Variants in NFIB observed in about 807,000 individuals in gnomAD.
NFIB encodes the protein nuclear factor I B, also known as nuclear factor 1 B-type.
NFIB carries 11 observed loss-of-function variants against 61.5 expected under a neutral mutation model. The ratio of observed to expected loss-of-function variants is 0.18; its 90% confidence interval spans 0.11 to 0.30. NFIB has a LOEUF of 0.30. Among genes scored for constraint, NFIB ranks in the 10% least tolerant of loss-of-function variants. The pLI is 1.00. For missense variants in NFIB, 471 were observed against 608.9 expected (o/e 0.77, Z 2.38); for synonymous variants, 260 against 216.5 (o/e 1.20, Z -1.76).
At chr9:14,406,419 G>C in the NFIB span, among the ~76,000 whole-genome samples, 1 of 152,210 alleles carries the variant, frequency 6.6e-6, no homozygotes, top group Admixed American at 6.5e-5. Context: ...CTGGGCCATG[G>C]TGAGCCATGA....
chr9:14,217,404 T>C (rs2051047948), intron 2 of NFIB, among the ~76,000 whole-genome samples: 1 of 152,142 alleles, frequency 6.6e-6, no homozygotes, highest in African/African-American at 2.4e-5. Flanking sequence ...CTCACGTCTG[T>C]AATCCCAGCA....
At chr9:14,286,014 T>G (rs999213412) in intron 2 of NFIB, among the ~76,000 whole-genome samples, 2 of 151,738 alleles carry the variant, frequency 1.3e-5, no homozygotes, top group African/African-American at 4.9e-5. Flanking sequence ...CCAGGGCTCC[T>G]TCTAGCAAGT....
intron 2 of NFIB, among the ~76,000 whole-genome samples, chr9:14,257,894 A>ATT (rs150629739): frequency 3.3e-5 from 5 of 151,718 alleles, no homozygotes; most frequent in African/African-American, 1.2e-4. Context: ...AAAAAATGAG[A>ATT]TTTTTTTTTA....
intron 2 of NFIB, among the ~76,000 whole-genome samples, chr9:14,241,545 C>T (rs142600024): frequency 6.2e-4 from 94 of 152,164 alleles, no homozygotes; most frequent in African/African-American, 2.3e-3. Context: ...CTTAAGTTTA[C>T]AGCTTGCCAT....
intron 1 of NFIB, among the ~76,000 whole-genome samples, chr9:14,364,594 C>G (rs2061278668): frequency 6.6e-6 from 1 of 152,158 alleles, no homozygotes; most frequent in South Asian, 2.1e-4. Context: ...ATGTTTATAT[C>G]TGCACAATTC....
intron 2 of NFIB, among the ~76,000 whole-genome samples, chr9:14,240,111 T>A (rs1360109999): frequency 6.6e-6 from 1 of 152,150 alleles, no homozygotes; most frequent in African/African-American, 2.4e-5. Context: ...GTTCCAAAAT[T>A]TCATTAAATA....
intron 1 of NFIB, among the ~76,000 whole-genome samples, chr9:14,346,373 T>G (rs2061023127): frequency 6.8e-6 from 1 of 146,176 alleles, no homozygotes; most frequent in South Asian, 2.3e-4. Flanking sequence ...ACGGGCGTCA[T>G]CTGCCACGTG....
the NFIB span, among the ~76,000 whole-genome samples, chr9:14,502,289 T>C: frequency 6.6e-6 from 1 of 152,228 alleles, no homozygotes; most frequent in Non-Finnish European, 1.5e-5. Context: ...TTTTTCCACC[T>C]AATGTCTTTG....
the NFIB span, among the ~76,000 whole-genome samples, chr9:14,425,504 G>T: frequency 6.6e-6 from 1 of 152,070 alleles, no homozygotes; most frequent in East Asian, 1.9e-4. Flanking sequence ...GGGGAAAAGG[G>T]GCACAGATGA....
the NFIB span, among the ~76,000 whole-genome samples, chr9:14,493,396 A>T: frequency 6.6e-6 from 1 of 152,196 alleles, no homozygotes; most frequent in African/African-American, 2.4e-5. Context: ...GTAATTTCAC[A>T]GATTGTTAGA....
chr9:14,525,667 A>G, the NFIB span, among the ~76,000 whole-genome samples: 23 of 152,272 alleles, frequency 1.5e-4, no homozygotes, highest in East Asian at 4.1e-3. Flanking sequence ...CCATGAGAAA[A>G]TATTTCAGGA....
chr9:14,231,541 C>T (rs1394338303), intron 2 of NFIB, among the ~76,000 whole-genome samples: 2 of 152,084 alleles, frequency 1.3e-5, no homozygotes, highest in Admixed American at 1.3e-4. Flanking sequence ...AAGAAAAGTG[C>T]TAAGTAAAAA....
At chr9:14,521,350 G>T in the NFIB span, among the ~76,000 whole-genome samples, 1 of 152,126 alleles carries the variant, frequency 6.6e-6, no homozygotes, top group African/African-American at 2.4e-5. Context: ...GTAATGTTCT[G>T]TTCAGAAGTC....
chr9:14,304,780 C>T (rs1368957887), intron 2 of NFIB, among the ~76,000 whole-genome samples: 1 of 152,092 alleles, frequency 6.6e-6, no homozygotes, highest in African/African-American at 2.4e-5. Context: ...TCTAACTGAC[C>T]GGAGAATTAT....
chr9:14,209,714 C>T (rs566115892), intron 2 of NFIB, among the ~76,000 whole-genome samples: 1 of 152,310 alleles, frequency 6.6e-6, no homozygotes, highest in African/African-American at 2.4e-5. Flanking sequence ...CCCAGACGCA[C>T]TGAAAAGCTA....
chr9:14,471,519 A>T, the NFIB span, among the ~76,000 whole-genome samples: 1 of 152,266 alleles, frequency 6.6e-6, no homozygotes, highest in African/African-American at 2.4e-5. Flanking sequence ...TTGTTTCCCA[A>T]TAACCAAGTT....
intron 1 of NFIB, among the ~76,000 whole-genome samples, chr9:14,388,588 C>A (rs1269078116): frequency 6.6e-6 from 1 of 151,766 alleles, no homozygotes; most frequent in East Asian, 1.9e-4. Context: ...GTGTACAAAA[C>A]CTTAAAACCA....
chr9:14,230,219 T>G (rs192863661), intron 2 of NFIB, among the ~76,000 whole-genome samples: 8 of 152,322 alleles, frequency 5.3e-5, no homozygotes, highest in African/African-American at 1.9e-4. Context: ...AGCCATTCAT[T>G]TATTAATTCA....
At chr9:14,416,474 G>T in the NFIB span, among the ~76,000 whole-genome samples, 1 of 151,352 alleles carries the variant, frequency 6.6e-6, no homozygotes, top group South Asian at 2.1e-4. Flanking sequence ...GTAGGCCCAG[G>T]CTAATGTGTG....
Sources: allele counts gnomAD v4.1 joint callset (sites outside exome capture counted in the v4.1 genomes callset), GRCh38; gene constraint gnomAD v4.1.1; transcripts MANE v1.5; gene names NCBI Gene and HGNC (gene_info 2026-07-23, HGNC 2026-07-21).